The following NEBL variants were observed in gnomAD, a reference collection of about 807,000 sequenced individuals.
NEBL encodes nebulette, also known as LIM and SH3 protein 2.
NEBL carries 122 observed loss-of-function variants against 140.2 expected under a neutral mutation model. That is an observed-to-expected ratio of 0.87 (90% CI 0.75 to 1.01). The LOEUF is 1.01. Ranked by LOEUF, NEBL falls within the 50% of genes least tolerant of loss-of-function variation. The pLI is 0.00. For synonymous variants in NEBL, 436 were observed against 398.9 expected, an observed-to-expected ratio of 1.09 and a Z score of -1.11; for missense variants, 1,365 against 1,231.3, an observed-to-expected ratio of 1.11 and a Z score of -1.62.
At chr10:20,791,092 G>A (rs1390354984) in intron 26 of NEBL, among the ~76,000 whole-genome samples, 1 of 152,134 alleles carries the variant, frequency 6.6e-6, no homozygotes, top group Non-Finnish European at 1.5e-5. Flanking sequence ...AATAGTTTTA[G>A]TTATACTAAG....
chr10:20,843,691 T>C (rs947393614), intron 12 of NEBL, among the ~76,000 whole-genome samples: 3 of 152,140 alleles, frequency 2.0e-5, no homozygotes, highest in Non-Finnish European at 2.9e-5. Context: ...TTTTTTCCTT[T>C]TATTTTTAGT....
Position 20,897,281 on chromosome 10 carries a change from A to T in NEBL, c.-76T>A. On this transcript the variant is annotated 5_prime_UTR_variant, in exon 1 of 28. Transcript: ENST00000377122. Reference sequence around the variant, plus strand: ...TTTTCCATACCACAGTGCCCTTGAGATGCTGACGTCTCTGGTGCTCTGGCA... The same window carrying T: ...TTTTCCATACCACAGTGCCCTTGAGTTGCTGACGTCTCTGGTGCTCTGGCA... The T allele has an allele frequency of 6.6e-7, 1 of 1,517,598 alleles. No homozygotes were observed. Among genetic ancestry groups the T allele is most frequent in the Non-Finnish European group, 8.8e-7 (1 of 1,141,012 alleles). The allele number at this position is 1,517,598 out of a possible 1,614,324, so 94.0% of individuals were successfully genotyped here. A position where few individuals can be genotyped will look rare whatever the true frequency, so the allele number is the denominator to read the frequency against.
At chr10:21,079,685 T>A (rs1194863361) in intron 2 of NEBL, among the ~76,000 whole-genome samples, 2 of 152,228 alleles carry the variant, frequency 1.3e-5, no homozygotes, top group African/African-American at 4.8e-5. Flanking sequence ...ATCTGCCCCG[T>A]AAACACACAG....
At chr10:21,029,748 TC>T in intron 2 of NEBL, 1 of 771,560 alleles carries the variant, frequency 1.3e-6, no homozygotes, top group Middle Eastern at 3.1e-4. Context: ...GGGATATGGA[TC>T]GATATGGCTG....
At chr10:21,092,195 T>G (rs564214566) in intron 2 of NEBL, among the ~76,000 whole-genome samples, 74 of 152,334 alleles carry the variant, frequency 4.9e-4, no homozygotes, top group Non-Finnish European at 6.2e-4. Flanking sequence ...TCATTGATTG[T>G]GGGAACAAGG....
At chr10:21,079,363 G>C (rs2131930265) in intron 2 of NEBL, among the ~76,000 whole-genome samples, 1 of 152,344 alleles carries the variant, frequency 6.6e-6, no homozygotes, top group East Asian at 1.9e-4. Context: ...TCATTTCTGT[G>C]ATTTATTTGG....
chr10:20,909,166 T>C (rs1848224786), intron 4 of NEBL, among the ~76,000 whole-genome samples: 1 of 151,988 alleles, frequency 6.6e-6, no homozygotes, highest in African/African-American at 2.4e-5. Context: ...ACTACACTCT[T>C]TGCATTATTT....
chr10:21,058,376 C>G (rs1835125911), intron 2 of NEBL, among the ~76,000 whole-genome samples: 1 of 152,166 alleles, frequency 6.6e-6, no homozygotes, highest in Non-Finnish European at 1.5e-5. Context: ...TCAACTTTCA[C>G]TGCAAGTTTT....
chr10:21,242,214 A>AAAAAGAAAAG (rs71287305), intron 3 of NEBL, among the ~76,000 whole-genome samples: 49 of 151,388 alleles, frequency 3.2e-4, no homozygotes, highest in African/African-American at 1.0e-3. Context: ...CAAAAGGAAA[A>AAAAAGAAAAG]AAAAGAAAAG....
At chr10:21,036,868 G>A (rs945581543) in intron 2 of NEBL, among the ~76,000 whole-genome samples, 1 of 152,100 alleles carries the variant, frequency 6.6e-6, no homozygotes, top group Non-Finnish European at 1.5e-5. Context: ...ACACCAGGTA[G>A]GGGGAGCAAC....
chr10:20,884,595 C>T (rs1846306440), intron 4 of NEBL, among the ~76,000 whole-genome samples: 1 of 152,184 alleles, frequency 6.6e-6, no homozygotes, highest in African/African-American at 2.4e-5. Context: ...GCATAAGATG[C>T]TACAAAGACG....
intron 1 of NEBL, among the ~76,000 whole-genome samples, chr10:21,257,987 G>A (rs1405256826): frequency 1.3e-5 from 2 of 152,030 alleles, no homozygotes; most frequent in South Asian, 2.1e-4. Context: ...TGCTTTCTTG[G>A]TTTGGGTTCT....
Position 20,868,680 on chromosome 10 carries a change from G to A in NEBL, c.668C>T (p.Ser223Phe). The A allele has an allele frequency of 6.2e-7, 1 of 1,609,074 alleles. No individual in the cohort carries two copies. The part of the protein sequence containing the change: ...RPDFEHAVEA[S>F]KLSSQIKYKE... ...AAGCCTTACTTGACTAGAAAGTTTA[G>A]AAGCTTCCACGGCATGTTCAAAATC... The change falls in exon 7 of 28, where the codon TCT (serine) becomes TTT (phenylalanine). Residue 223 changes from serine (S) to phenylalanine (F), a missense_variant. Around this residue, in one of 2 missense-constraint regions of NEBL, gnomAD observed 1,323 missense variants for 1,154.8 expected, o/e 1.15. Transcript: ENST00000377122.
chr10:20,841,459 T>C (rs1316973441), intron 12 of NEBL: 4 of 152,866 alleles, frequency 2.6e-5, no homozygotes, highest in African/African-American at 7.2e-5. Flanking sequence ...CACAATTACT[T>C]TAGGTATTTA....
At chr10:20,894,405 T>C (rs1847268299) in intron 2 of NEBL, among the ~76,000 whole-genome samples, 1 of 150,910 alleles carries the variant, frequency 6.6e-6, no homozygotes, top group African/African-American at 2.4e-5. Context: ...CCCAGGAAAT[T>C]GAGACTGCAG....
At chr10:20,893,796 A>G (rs12247240) in intron 2 of NEBL, among the ~76,000 whole-genome samples, 11,009 of 152,290 alleles carry the variant, frequency 0.072, 454 homozygotes, top group Middle Eastern at 0.13. Context: ...GCAGAAAACT[A>G]CAGATTAGAT....
At chr10:21,272,289 A>C (rs1172607783) in intron 1 of NEBL, among the ~76,000 whole-genome samples, 2 of 152,084 alleles carry the variant, frequency 1.3e-5, no homozygotes, top group African/African-American at 4.8e-5. Flanking sequence ...TTACGTGTCA[A>C]AAATAAACAA....
At chr10:21,227,218 C>T (rs1432533311) in intron 3 of NEBL, among the ~76,000 whole-genome samples, 1 of 151,978 alleles carries the variant, frequency 6.6e-6, no homozygotes, top group Non-Finnish European at 1.5e-5. Context: ...TTCCTTTGCC[C>T]AGGATAGAGG....
At chr10:20,844,450 T>C (rs931407997) in intron 12 of NEBL, among the ~76,000 whole-genome samples, 2 of 150,496 alleles carry the variant, frequency 1.3e-5, no homozygotes, top group African/African-American at 4.9e-5. Flanking sequence ...TTTCCCTTAA[T>C]ATAAAGAGTA....
Sources: allele counts gnomAD v4.1 joint callset (sites outside exome capture counted in the v4.1 genomes callset), GRCh38; gene constraint gnomAD v4.1.1; regional missense constraint gnomAD v4.1.1; transcripts MANE v1.5; gene names NCBI Gene and HGNC (gene_info 2026-07-23, HGNC 2026-07-21).